TRNAU1AP: variants seen among roughly 807,000 people sequenced by gnomAD.
TRNAU1AP encodes tRNA selenocysteine 1-associated protein 1.
Under a neutral mutation model 43.3 loss-of-function variants are expected in TRNAU1AP, and 33 were observed. The observed-to-expected ratio is 0.76, with a 90% CI of 0.58 to 1.02. The LOEUF (loss-of-function observed/expected upper bound fraction) is 1.02, where lower values mean the gene tolerates loss of function less well. Ranked by LOEUF, TRNAU1AP falls within the 50% of genes least tolerant of loss-of-function variation. The pLI is 0.00. For synonymous variants in TRNAU1AP, 143 were observed against 129.1 expected (o/e 1.11, Z -0.73); for missense variants, 290 against 362.7 (o/e 0.80, Z 1.63).
chr1:28,573,604 C>T (rs188404143), intron 8 of TRNAU1AP, among the ~76,000 whole-genome samples: 9 of 151,958 alleles, frequency 5.9e-5, no homozygotes, highest in Admixed American at 2.0e-4. Flanking sequence ...GAAATTCTGC[C>T]GGTACTAAAA....
chr1:28,569,163 G>A (rs2124208532), intron 6 of TRNAU1AP, among the ~76,000 whole-genome samples: 1 of 152,248 alleles, frequency 6.6e-6, no homozygotes, highest in South Asian at 2.1e-4. Context: ...TGGTTTAACT[G>A]TGTTTAATAC....
chr1:28,563,791 G>T (rs1398435567), intron 4 of TRNAU1AP, among the ~76,000 whole-genome samples: 3 of 152,092 alleles, frequency 2.0e-5, no homozygotes, highest in Non-Finnish European at 2.9e-5. Flanking sequence ...GGCAGAGGTT[G>T]CAGTGAGCCG....
At chr1:28,562,493 G>A (rs1665433429) in intron 4 of TRNAU1AP, among the ~76,000 whole-genome samples, 1 of 151,664 alleles carries the variant, frequency 6.6e-6, no homozygotes, top group South Asian at 2.1e-4. Context: ...AAAGCCACAA[G>A]AAAAGACAAA....
At position 28,561,934 on chromosome 1, in the gene TRNAU1AP, T is replaced by C. The variant is rs191694865; in HGVS notation, c.278+536T>C. 3.3e-3 allele frequency among the ~76,000 whole-genome samples: 504 copies of C among 152,146 alleles called. 2 individuals carry two copies. Among genetic ancestry groups the C allele is most frequent in the African/African-American group, 0.012 (485 of 41,516 alleles). ...AAAAATACAACAAATTAGCCGGGCG[T>C]GGTGGCAGGCGCCTGTAGTCCCAGC... is the stretch of plus-strand genomic sequence containing the variant. On this transcript the variant is annotated intron_variant, in intron 4 of 8. Coordinates refer to ENST00000373830, the MANE Select transcript of TRNAU1AP (RefSeq NM_017846.5).
chr1:28,561,460 T>C, intron 4 of TRNAU1AP, 62 bp downstream of exon 4: 1 of 1,598,756 alleles, frequency 6.3e-7, no homozygotes, highest in Non-Finnish European at 8.6e-7. Context: ...CACTGCCATA[T>C]AGGAGGAGGG....
intron 2 of TRNAU1AP, among the ~76,000 whole-genome samples, chr1:28,557,498 G>A (rs1665293867): frequency 6.8e-6 from 1 of 147,232 alleles, no homozygotes; most frequent in African/African-American, 2.5e-5. Flanking sequence ...TTACTTTGAG[G>A]CAGAGTTTCG....
At chr1:28,553,565 A>G in intron 1 of TRNAU1AP, 75 bp from the exon 2 acceptor site, 1 of 1,425,500 alleles carries the variant, frequency 7.0e-7, no homozygotes, top group South Asian at 1.2e-5. Flanking sequence ...CCTGGGCTGA[A>G]CGGGAGGGGC....
intron 2 of TRNAU1AP, among the ~76,000 whole-genome samples, chr1:28,558,468 A>G (rs549188386): frequency 2.1e-4 from 32 of 149,032 alleles, no homozygotes; most frequent in African/African-American, 8.0e-4. Flanking sequence ...ATCTCAGCTC[A>G]CTGCAACTTC....
At chr1:28,571,970 C>T (rs1333394096) in intron 8 of TRNAU1AP, 70 bp downstream of exon 8, 1 of 1,322,982 alleles carries the variant, frequency 7.6e-7, no homozygotes, top group Non-Finnish European at 1.1e-6. Flanking sequence ...ACTGTGCTCT[C>T]AGCTAGAGGG....
At chr1:28,554,832 G>A (rs1369624050) in intron 2 of TRNAU1AP, among the ~76,000 whole-genome samples, 2 of 145,936 alleles carry the variant, frequency 1.4e-5, no homozygotes, top group African/African-American at 5.2e-5. Context: ...CGACAGCTGA[G>A]ACTCTGTCTC....
intron 4 of TRNAU1AP, among the ~76,000 whole-genome samples, chr1:28,564,071 C>T (rs912403265): frequency 1.3e-5 from 2 of 151,986 alleles, no homozygotes; most frequent in African/African-American, 2.4e-5. Flanking sequence ...TTGAGACCAG[C>T]GTGGCCAACT....
intron 6 of TRNAU1AP, among the ~76,000 whole-genome samples, chr1:28,568,494 C>T (rs149055994): frequency 1.3e-5 from 2 of 152,212 alleles, no homozygotes; most frequent in East Asian, 3.9e-4. Flanking sequence ...AGGCTGGTTT[C>T]GAATTCCTGG....
rs1265964610 is a variant in TRNAU1AP, at chr1:28,577,815, A to C, written c.*179A>C. 4 of 673,112 alleles carry C rather than the reference A, an allele frequency of 5.9e-6. No homozygotes were observed. The highest frequency in any genetic ancestry group is 9.6e-6 in the Non-Finnish European group (4 of 414,624). 41.7% of individuals were successfully genotyped at this position (673,112 alleles called of 1,614,324 possible). A position where few individuals can be genotyped will look rare whatever the true frequency, so the allele number is the denominator to read the frequency against. Reference sequence around the variant, plus strand: ...TTTGACCATTTGAGTTTGAAGACCAAGGGAACAACTTTTAAACAAGGTTCA... The same window carrying C: ...TTTGACCATTTGAGTTTGAAGACCACGGGAACAACTTTTAAACAAGGTTCA... On this transcript the variant is annotated 3_prime_UTR_variant, in exon 9 of 9. Coordinates refer to ENST00000373830, the MANE Select transcript of TRNAU1AP (RefSeq NM_017846.5).
chr1:28,553,516 G>T, intron 1 of TRNAU1AP, 124 bp from the exon 2 acceptor site: 2 of 903,130 alleles, frequency 2.2e-6, no homozygotes, highest in Non-Finnish European at 3.4e-6. Context: ...CAGTGGAGGC[G>T]AACCTCGCCC....
chr1:28,574,077 C>CTTTTTTT (rs1178078009), intron 8 of TRNAU1AP, among the ~76,000 whole-genome samples: 1 of 124,156 alleles, frequency 8.1e-6, no homozygotes, highest in African/African-American at 3.1e-5. Flanking sequence ...GACCCCATCT[C>CTTTTTTT]TTTTTTTTTT....
intron 4 of TRNAU1AP, among the ~76,000 whole-genome samples, chr1:28,564,159 G>A (rs1039695806): frequency 2.0e-5 from 3 of 152,026 alleles, no homozygotes; most frequent in Non-Finnish European, 2.9e-5. Flanking sequence ...CCAGCTGGTC[G>A]GCAGGCTAAG....
At chr1:28,566,093 T>C (rs1374576638) in intron 5 of TRNAU1AP, among the ~76,000 whole-genome samples, 3 of 151,802 alleles carry the variant, frequency 2.0e-5, no homozygotes, top group Non-Finnish European at 4.4e-5. Flanking sequence ...GGCGGGTGGA[T>C]CACCTGAGGT....
At chr1:28,568,196 C>T (rs1274766807) in intron 6 of TRNAU1AP, among the ~76,000 whole-genome samples, 2 of 152,090 alleles carry the variant, frequency 1.3e-5, no homozygotes, top group Non-Finnish European at 2.9e-5. Context: ...AGACACTCTA[C>T]AGAACATTAT....
chr1:28,559,170 C>A (rs1249148309), intron 2 of TRNAU1AP, among the ~76,000 whole-genome samples: 3 of 152,100 alleles, frequency 2.0e-5, no homozygotes, highest in African/African-American at 7.2e-5. Flanking sequence ...CTCCCGGGTT[C>A]AAGCAATTCT....
Sources: allele counts gnomAD v4.1 joint callset (sites outside exome capture counted in the v4.1 genomes callset), GRCh38; gene constraint gnomAD v4.1.1; transcripts MANE v1.5; gene names NCBI Gene and HGNC (gene_info 2026-07-23, HGNC 2026-07-21).